HADHB: variants seen among roughly 807,000 people sequenced by gnomAD.
HADHB encodes the protein trifunctional enzyme subunit beta, mitochondrial.
HADHB carries 50 observed loss-of-function variants against 61.9 expected under a neutral mutation model. The ratio of observed to expected loss-of-function variants is 0.81; its 90% CI spans 0.64 to 1.02. The LOEUF (loss-of-function observed/expected upper bound fraction) is 1.02. Among genes scored for constraint, HADHB ranks in the 50% least tolerant of loss-of-function variants. The pLI is 0.00. For missense variants in HADHB, 504 were observed against 586.5 expected (o/e 0.86, Z 1.45); for synonymous variants, 191 against 201.6 (o/e 0.95, Z 0.45).
intron 1 of HADHB, among the ~76,000 whole-genome samples, chr2:26,253,044 T>C (rs574252149): frequency 6.6e-6 from 1 of 152,238 alleles, no homozygotes; most frequent in Non-Finnish European, 1.5e-5. Context: ...ATTCTTCTTA[T>C]GAGTGAAATT....
chr2:26,269,664 C>T (rs925070663), intron 4 of HADHB, among the ~76,000 whole-genome samples: 1 of 152,226 alleles, frequency 6.6e-6, no homozygotes, highest in Admixed American at 6.5e-5. Context: ...TGGGGCTTCA[C>T]TTTAAAGAAA....
intron 7 of HADHB, 53 bp from the exon 8 acceptor site, chr2:26,278,561 G>T: frequency 7.2e-7 from 1 of 1,390,002 alleles, no homozygotes; most frequent in Non-Finnish European, 1.0e-6. Flanking sequence ...AAATTGGAAT[G>T]GTATGTTATT....
At position 26,279,198 on chromosome 2, in the gene HADHB, G is replaced by T. The variant is rs987203346; in HGVS notation, c.694G>T (p.Ala232Ser). The T allele has an allele frequency of 1.1e-5, 17 of 1,613,406 alleles. No homozygotes were observed. Among genetic ancestry groups the T allele is most frequent in the Admixed American group, 1.7e-5 (1 of 60,014 alleles). The change falls in exon 9 of 16, where the codon GCT becomes TCT. Residue 232 changes from alanine (A) to serine (S), a missense_variant. By Grantham distance (99) the Ala-to-Ser change is moderately conservative. Coordinates refer to ENST00000317799, the MANE Select transcript of HADHB (RefSeq NM_000183.3). ...TMGHSADRLA[A>S]AFAVSRLEQD... ...GGGCCACTCTGCAGACCGACTGGCC[G>T]CTGCCTTTGCTGTTTCTCGGCTGGA...
In HADHB at chr2:26,284,035, G is replaced by A; in HGVS notation, c.1062-82G>A. ...AGTGAAAAGACATTAGAGTACCTAT[G>A]TAAAACTCAGTTTGGGGAATATGAA... On this transcript the variant is annotated intron_variant, in intron 12 of 15. Coordinates refer to ENST00000317799, the MANE Select transcript of HADHB (RefSeq NM_000183.3). The A allele has an allele frequency of 3.8e-6, 3 of 784,386 alleles. No homozygotes were observed. The South Asian group carries it at 4.2e-5, about 11-fold the overall frequency. The allele number at this position is 784,386 out of a possible 1,614,324, so 48.6% of individuals were successfully genotyped here.
intron 10 of HADHB, among the ~76,000 whole-genome samples, chr2:26,280,549 A>G (rs1201780506): frequency 6.6e-6 from 1 of 152,158 alleles, no homozygotes; most frequent in Admixed American, 6.5e-5. Context: ...CCAACTCAGG[A>G]AGGATTTTAA....
At chr2:26,285,329 C>A in intron 14 of HADHB, 78 bp from the exon 15 acceptor site, 4 of 1,238,338 alleles carry the variant, frequency 3.2e-6, no homozygotes, top group Non-Finnish European at 4.8e-6. Flanking sequence ...ATCTCTCTTA[C>A]TTCGTAGTAC....
chr2:26,277,039 A>T, intron 6 of HADHB, 34 bp from the exon 7 acceptor site: 1 of 1,025,548 alleles, frequency 9.8e-7, no homozygotes, highest in African/African-American at 1.6e-5. Context: ...CCCTTCCCTT[A>T]TAGTGATCAT....
At chr2:26,246,324 C>CTTTTG (rs1174315120) in intron 1 of HADHB, among the ~76,000 whole-genome samples, 1 of 150,118 alleles carries the variant, frequency 6.7e-6, no homozygotes, top group Non-Finnish European at 1.5e-5. Context: ...TATATTGTTT[C>CTTTTG]TTTTGTTTTG....
chr2:26,284,161 C>A lies in HADHB; in HGVS notation c.1106C>A (p.Thr369Asn). 1 of 1,601,086 alleles carries A rather than the reference C, an allele frequency of 6.2e-7. No homozygotes were observed. The highest frequency in any genetic ancestry group is 1.3e-5 in the African/African-American group (1 of 74,696). The change falls in exon 13 of 16, where the codon ACC (threonine) becomes AAC (asparagine). Residue 369 changes from threonine to asparagine, a missense_variant. Transcript: ENST00000317799. ...TPKVLEKAGL[T>N]MNDIDAFEFH... ...AAAGTTCTAGAAAAGGCAGGATTGA[C>A]CATGAATGATATTGATGCTTTTGAA...
At chr2:26,266,871 C>CAAAAAAAAAAAAAAAAAAAAAAA (rs56401595) in intron 4 of HADHB, among the ~76,000 whole-genome samples, 5 of 45,420 alleles carry the variant, frequency 1.1e-4, no homozygotes, top group African/African-American at 4.0e-4. Flanking sequence ...CACTCTCTCT[C>CAAAAAAAAAAAAAAAAAAAAAAA]AAAAAAAAAA....
intron 1 of HADHB, among the ~76,000 whole-genome samples, 195 bp from the exon 2 acceptor site, chr2:26,254,052 A>T (rs1236680493): frequency 6.6e-6 from 1 of 152,068 alleles, no homozygotes; most frequent in African/African-American, 2.4e-5. Context: ...AATGCTTAGA[A>T]TAGTGGTTGC....
intron 15 of HADHB, among the ~76,000 whole-genome samples, 171 bp from the exon 16 acceptor site, chr2:26,289,747 A>G (rs187960741): frequency 6.6e-6 from 1 of 152,306 alleles, no homozygotes; most frequent in Admixed American, 6.5e-5. Flanking sequence ...CATTTTGTAG[A>G]GGAAATTCCA....
At position 26,266,709 on chromosome 2, in the gene HADHB, A is replaced by G. The variant is rs1038142014; in HGVS notation, c.209+3230A>G. 5.3e-5 allele frequency among the ~76,000 whole-genome samples: 8 copies of G among 151,246 alleles called. No individual in the cohort carries two copies. The East Asian group carries it at 1.4e-3, about 26-fold the overall frequency. ...AGCCTGGCCAACATGGCGAGACCCTATCTCTACTAAAAATACAAAAATTAG... is the reference window on the plus strand; with the variant it reads ...AGCCTGGCCAACATGGCGAGACCCTGTCTCTACTAAAAATACAAAAATTAG... On this transcript the variant is annotated intron_variant, in intron 4 of 15. Coordinates refer to ENST00000317799, the MANE Select transcript of HADHB (RefSeq NM_000183.3).
At chr2:26,285,213 A>G (rs918913653) in intron 14 of HADHB, among the ~76,000 whole-genome samples, 194 bp from the exon 15 acceptor site, 1 of 152,246 alleles carries the variant, frequency 6.6e-6, no homozygotes, top group African/African-American at 2.4e-5. Context: ...GCATTCTGAC[A>G]TTAGATGAAA....
chr2:26,280,184 A>G (rs1672727900), intron 10 of HADHB, 69 bp downstream of exon 10: 4 of 1,290,614 alleles, frequency 3.1e-6, no homozygotes, highest in South Asian at 2.4e-5. Flanking sequence ...GAAAAGCCTA[A>G]TATAACTTTT....
chr2:26,279,894 A>G (rs985159676), intron 9 of HADHB, 100 bp from the exon 10 acceptor site: 2 of 880,010 alleles, frequency 2.3e-6, no homozygotes, highest in East Asian at 2.5e-5. Context: ...GGTAAGGTTT[A>G]TATTTCATTT....
chr2:26,271,247 C>T (rs1300112613), intron 5 of HADHB, among the ~76,000 whole-genome samples: 17 of 151,138 alleles, frequency 1.1e-4, no homozygotes, highest in Non-Finnish European at 2.2e-4. Flanking sequence ...GTGGCTCACT[C>T]CTGTAATCCC....
intron 8 of HADHB, 137 bp from the exon 9 acceptor site, chr2:26,278,998 C>G: frequency 2.2e-6 from 2 of 907,882 alleles, no homozygotes; most frequent in Non-Finnish European, 3.7e-6. Flanking sequence ...CTTTAGAGAT[C>G]CTCTGCTTGT....
Position 26,278,898 on chromosome 2 carries a change from G to A in HADHB, c.630+97G>A, listed in dbSNP as rs568752809. 3 of 1,132,986 alleles carry A rather than the reference G, an allele frequency of 2.6e-6. No homozygotes were observed. The South Asian group carries it at 3.7e-5, about 14-fold the overall frequency. The allele number at this position is 1,132,986 out of a possible 1,614,324, so 70.2% of individuals were successfully genotyped here. A position where few individuals can be genotyped will look rare whatever the true frequency, so the allele number is the denominator to read the frequency against. The stretch of plus-strand genomic sequence containing the variant: ...TGCTGTAATAGGTGTAGATTCTGTA[G>A]TTACAGGAAAGGGTTAATTACTTGC... On this transcript the variant is annotated intron_variant, in intron 8 of 15. Transcript: ENST00000317799.
Sources: gnomAD v4.1 joint callset for allele counts (sites outside exome capture counted in the v4.1 genomes callset) on GRCh38, gnomAD v4.1.1 for gene constraint, MANE v1.5 for transcripts, NCBI Gene and HGNC (gene_info 2026-07-23, HGNC 2026-07-21) for gene names.